The following ABCD3 variants were observed in gnomAD, a reference collection of about 807,000 sequenced individuals.
The protein encoded by ABCD3 is ATP binding cassette subfamily D member 3, also known as ATP-binding cassette sub-family D member 3.
ABCD3 carries 41 observed loss-of-function variants against 105.5 expected under a neutral mutation model. That is an observed-to-expected ratio of 0.39 (90% confidence interval 0.30 to 0.50). ABCD3 has a LOEUF of 0.50. Among genes scored for constraint, ABCD3 ranks in the 20% least tolerant of loss-of-function variants. The probability of loss-of-function intolerance (pLI) is 0.84; values close to 1 mark genes in which losing one functional copy is unlikely to be tolerated. For synonymous variants in ABCD3, 258 were observed against 269.0 expected, an observed-to-expected ratio of 0.96 and a Z score of 0.40; for missense variants, 622 against 806.3, an observed-to-expected ratio of 0.77 and a Z score of 2.77.
At chr1:94,512,833 G>T (rs897832516) in intron 21 of ABCD3, among the ~76,000 whole-genome samples, 2 of 152,016 alleles carry the variant, frequency 1.3e-5, no homozygotes, top group African/African-American at 4.8e-5. Context: ...TTCTATATAA[G>T]TAAATGAGGT....
chr1:94,499,582 G>A lies in ABCD3; in HGVS notation c.1708G>A (p.Val570Ile), dbSNP rs772059880. Reference sequence around the variant, plus strand: ...GGACAGTGTTCAGGATTGGATGGACGTACTCAGTGGTGGAGAAAAGCAAAG... The same window carrying A: ...GGACAGTGTTCAGGATTGGATGGACATACTCAGTGGTGGAGAAAAGCAAAG... ...GWDSVQDWMD[V>I]LSGGEKQRMA... is the part of the protein sequence containing the mutation. Residue 570 changes from valine (V) to isoleucine (I), a missense_variant, in exon 20 of 23, where the codon GTA becomes ATA. Around this residue, in one of 4 missense-constraint regions of ABCD3, gnomAD observed 285 missense variants for 352.5 expected, o/e 0.81. Coordinates refer to ENST00000370214, the MANE Select transcript of ABCD3 (RefSeq NM_002858.4). 52 of 1,613,548 alleles carry A rather than the reference G, an allele frequency of 3.2e-5. No homozygotes were observed. Among genetic ancestry groups the A allele is most frequent in the Middle Eastern group, 3.3e-4 (2 of 6,076 alleles).
At chr1:94,463,168 T>C (rs1647959783) in intron 2 of ABCD3, among the ~76,000 whole-genome samples, 1 of 152,208 alleles carries the variant, frequency 6.6e-6, no homozygotes, top group Non-Finnish European at 1.5e-5. Context: ...AGGATGAGGT[T>C]TGCAACTTTG....
rs758956334 is a variant in ABCD3, at chr1:94,506,562, C to A, written c.1765C>A (p.Pro589Thr). ...MAMARLFYHKPQFAILDECTS... is the reference protein window; with the variant it reads ...MAMARLFYHKTQFAILDECTS... ...GATGGCAAGATTATTTTATCATAAA[C>A]CCCAGTTTGCCATTTTGGATGAATG... Residue 589 changes from proline (P) to threonine (T), a missense_variant, in exon 21 of 23, where the codon CCC (proline) becomes ACC (threonine). By Grantham distance (38) the Pro-to-Thr change is conservative. Around this residue, in one of 4 missense-constraint regions of ABCD3, gnomAD observed 285 missense variants for 352.5 expected, o/e 0.81. Transcript: ENST00000370214. 6 of 1,612,558 alleles carry A rather than the reference C, an allele frequency of 3.7e-6. No homozygotes were observed. Among genetic ancestry groups the A allele is most frequent in the Non-Finnish European group, 5.1e-6 (6 of 1,179,054 alleles).
At chr1:94,411,020 C>T in the ABCD3 span, among the ~76,000 whole-genome samples, 38 of 152,040 alleles carry the variant, frequency 2.5e-4, no homozygotes, top group Non-Finnish European at 7.4e-5. Flanking sequence ...GGTAAAACTA[C>T]AAAACTAAGA....
chr1:94,400,405 A>AG, the ABCD3 span, among the ~76,000 whole-genome samples: 2 of 144,998 alleles, frequency 1.4e-5, no homozygotes, highest in Non-Finnish European at 3.1e-5. Context: ...CTCTGTCTCG[A>AG]AAAAAAAAAA....
chr1:94,492,417 GA>G (rs1649578007), intron 16 of ABCD3, among the ~76,000 whole-genome samples: 1 of 152,126 alleles, frequency 6.6e-6, no homozygotes, highest in Non-Finnish European at 1.5e-5. Flanking sequence ...TTATAAAAAT[GA>G]AAATTGTTAG....
the ABCD3 span, among the ~76,000 whole-genome samples, chr1:94,409,165 C>T: frequency 6.6e-6 from 1 of 151,868 alleles, no homozygotes; most frequent in Middle Eastern, 3.4e-3. Flanking sequence ...AGCACAACAG[C>T]GTGATTATAG....
intron 1 of ABCD3, chr1:94,432,592 G>A (rs1461177802): frequency 1.3e-5 from 2 of 152,080 alleles, no homozygotes; most frequent in South Asian, 4.1e-4. Flanking sequence ...TACAGGTGAG[G>A]AATAAGTAAA....
At position 94,458,601 on chromosome 1, in the gene ABCD3, C is replaced by G; in HGVS notation, c.111-6C>G. 1 of 1,611,072 alleles carries G rather than the reference C, an allele frequency of 6.2e-7. No homozygotes were observed. Among genetic ancestry groups the G allele is most frequent in the East Asian group, 2.2e-5 (1 of 44,740 alleles). ...AAAGCTCTCTCTCTCTTTTTTTCCT[C>G]TGCAGTAAGAAAAGTGGAAAACCAC... On this transcript the variant is annotated splice_polypyrimidine_tract_variant and splice_region_variant and intron_variant, in intron 1 of 22. Transcript: ENST00000370214.
the ABCD3 span, among the ~76,000 whole-genome samples, chr1:94,396,917 T>C: frequency 6.6e-6 from 1 of 152,202 alleles, no homozygotes; most frequent in African/African-American, 2.4e-5. Flanking sequence ...CAGGCTTTGC[T>C]GATAGGCCTG....
At chr1:94,489,012 C>A (rs1649404428) in intron 13 of ABCD3, among the ~76,000 whole-genome samples, 1 of 151,974 alleles carries the variant, frequency 6.6e-6, no homozygotes, top group African/African-American at 2.4e-5. Context: ...ACGTGTGAAA[C>A]CATCAAGACC....
chr1:94,438,450 A>G (rs140316476), intron 1 of ABCD3, among the ~76,000 whole-genome samples: 2 of 152,328 alleles, frequency 1.3e-5, no homozygotes, highest in Admixed American at 6.5e-5. Context: ...TTAAATGACA[A>G]CAAAGGATTT....
intron 3 of ABCD3, among the ~76,000 whole-genome samples, chr1:94,466,811 T>C (rs934431785): frequency 6.6e-6 from 1 of 152,216 alleles, no homozygotes; most frequent in African/African-American, 2.4e-5. Context: ...TAAAACAAAT[T>C]TGAAACATTG....
intron 16 of ABCD3, among the ~76,000 whole-genome samples, chr1:94,493,595 A>G (rs865257): frequency 3.1e-4 from 46 of 150,782 alleles, no homozygotes; most frequent in African/African-American, 6.5e-4. Context: ...ATTACTGGGT[A>G]TATACCCAAA....
the ABCD3 span, among the ~76,000 whole-genome samples, chr1:94,389,135 A>T: frequency 6.6e-6 from 1 of 152,240 alleles, no homozygotes; most frequent in East Asian, 1.9e-4. Context: ...TATAGAATGT[A>T]GTAGGCCCAG....
intron 10 of ABCD3, 107 bp downstream of exon 10, chr1:94,483,346 T>G: frequency 1.3e-6 from 1 of 792,284 alleles, no homozygotes. Context: ...CACACACGTA[T>G]GTATACATAT....
chr1:94,418,175 G>T (rs530487736), upstream of ABCD3, among the ~76,000 whole-genome samples: 25 of 152,320 alleles, frequency 1.6e-4, no homozygotes, highest in East Asian at 4.6e-3. Flanking sequence ...GCCTCGCAGG[G>T]CTGAGTAGCA....
At chr1:94,501,195 A>G (rs1650077297) in intron 20 of ABCD3, among the ~76,000 whole-genome samples, 1 of 148,920 alleles carries the variant, frequency 6.7e-6, no homozygotes, top group Non-Finnish European at 1.5e-5. Flanking sequence ...CGGGAGGCAT[A>G]GGCTGCAGTG....
At chr1:94,491,321 T>G (rs1649526796) in intron 16 of ABCD3, 74 bp downstream of exon 16, 1 of 1,151,588 alleles carries the variant, frequency 8.7e-7, no homozygotes, top group African/African-American at 1.5e-5. Context: ...ACCTGAATAT[T>G]TAAAGTAACT....
Sources: allele counts gnomAD v4.1 joint callset (sites outside exome capture counted in the v4.1 genomes callset), GRCh38; gene constraint gnomAD v4.1.1; regional missense constraint gnomAD v4.1.1; transcripts MANE v1.5; gene names NCBI Gene and HGNC (gene_info 2026-07-23, HGNC 2026-07-21).